The following SKAP2 variants were observed in gnomAD, a reference collection of about 807,000 sequenced individuals.
The protein encoded by SKAP2 is src kinase associated phosphoprotein 2, also known as src kinase-associated phosphoprotein 2.
Under a neutral mutation model 54.9 loss-of-function variants are expected in SKAP2, and 28 were observed. The observed-to-expected ratio is 0.51, with a 90% CI of 0.38 to 0.70. The LOEUF is 0.70. SKAP2 is among the 30% of genes least tolerant of loss of function. SKAP2 has a pLI of 0.00. For synonymous variants in SKAP2, 137 were observed against 134.3 expected, an observed-to-expected ratio of 1.02 and a Z score of -0.14; for missense variants, 356 against 424.1, an observed-to-expected ratio of 0.84 and a Z score of 1.41.
At chr7:26,845,749 T>C (rs1040362404) in intron 3 of SKAP2, among the ~76,000 whole-genome samples, 8 of 152,024 alleles carry the variant, frequency 5.3e-5, no homozygotes, top group African/African-American at 1.2e-4. Context: ...CTGGGCAACA[T>C]AGCAAGACCA....
At chr7:26,713,144 T>C (rs1787346109) in intron 9 of SKAP2, among the ~76,000 whole-genome samples, 1 of 152,198 alleles carries the variant, frequency 6.6e-6, no homozygotes, top group South Asian at 2.1e-4. Flanking sequence ...CCCAGGATTG[T>C]CCATGCTCAG....
intron 6 of SKAP2, among the ~76,000 whole-genome samples, chr7:26,737,334 T>C (rs974070640): frequency 6.6e-6 from 1 of 152,236 alleles, no homozygotes; most frequent in Non-Finnish European, 1.5e-5. Context: ...AAGATGCTTG[T>C]TTATAGCTGT....
chr7:26,674,601 G>T (rs760236258), intron 11 of SKAP2, among the ~76,000 whole-genome samples: 2 of 152,058 alleles, frequency 1.3e-5, no homozygotes, highest in African/African-American at 4.8e-5. Flanking sequence ...CAATCTCTAA[G>T]GACCTCCATG....
At chr7:26,833,904 A>G (rs1292630759) in intron 4 of SKAP2, among the ~76,000 whole-genome samples, 1 of 152,238 alleles carries the variant, frequency 6.6e-6, no homozygotes, top group Non-Finnish European at 1.5e-5. Flanking sequence ...CATTCTTCTC[A>G]GCACCACATT....
chr7:26,854,223 T>C, intron 2 of SKAP2, 61 bp from the exon 3 acceptor site: 4 of 1,065,586 alleles, frequency 3.8e-6, no homozygotes, highest in South Asian at 1.7e-5. Flanking sequence ...GTCTAATCAG[T>C]AACAATAATT....
intron 11 of SKAP2, among the ~76,000 whole-genome samples, chr7:26,676,274 G>C (rs564639630): frequency 6.6e-6 from 1 of 152,146 alleles, no homozygotes; most frequent in African/African-American, 2.4e-5. Flanking sequence ...CAGATATTCA[G>C]GGCAGAGTCT....
intron 4 of SKAP2, among the ~76,000 whole-genome samples, chr7:26,808,811 A>G (rs1784079656): frequency 6.6e-6 from 1 of 152,228 alleles, no homozygotes; most frequent in Admixed American, 6.5e-5. Flanking sequence ...AAAGTGAATT[A>G]AAGACTTAAG....
chr7:26,670,231 G>A (rs1187158505), intron 11 of SKAP2, 39 bp from the exon 12 acceptor site: 1 of 914,620 alleles, frequency 1.1e-6, no homozygotes, highest in African/African-American at 1.6e-5. Flanking sequence ...CTTTAGACTG[G>A]TGTAAGTACA....
intron 4 of SKAP2, among the ~76,000 whole-genome samples, chr7:26,758,941 C>T (rs938686452): frequency 2.6e-5 from 4 of 152,152 alleles, no homozygotes; most frequent in Non-Finnish European, 5.9e-5. Context: ...ATGAACTAGA[C>T]ATGTTCTTGT....
intron 4 of SKAP2, among the ~76,000 whole-genome samples, chr7:26,834,599 A>C (rs1784666804): frequency 6.6e-6 from 1 of 152,218 alleles, no homozygotes; most frequent in South Asian, 2.1e-4. Context: ...ATCTAAAAGA[A>C]ATGGATGAAT....
intron 9 of SKAP2, 52 bp downstream of exon 9, chr7:26,725,376 A>T: frequency 5.9e-6 from 8 of 1,355,730 alleles, no homozygotes; most frequent in South Asian, 1.3e-5. Flanking sequence ...ACACACTCAC[A>T]CACACACACA....
At chr7:26,767,226 T>C (rs1380006427) in intron 4 of SKAP2, among the ~76,000 whole-genome samples, 1 of 152,178 alleles carries the variant, frequency 6.6e-6, no homozygotes, top group Non-Finnish European at 1.5e-5. Flanking sequence ...AATTTGTCAA[T>C]TTCTTCTACA....
At chr7:26,770,541 A>G (rs1783167321) in intron 4 of SKAP2, among the ~76,000 whole-genome samples, 1 of 152,086 alleles carries the variant, frequency 6.6e-6, no homozygotes, top group Non-Finnish European at 1.5e-5. Context: ...GTCTGCGCAA[A>G]TGGCCACCCA....
At chr7:26,818,488 A>C in intron 4 of SKAP2, among the ~76,000 whole-genome samples, 1 of 152,166 alleles carries the variant, frequency 6.6e-6, no homozygotes, top group East Asian at 1.9e-4. Flanking sequence ...CCTAGAAGAA[A>C]ACCTAGGCAA....
At chr7:26,817,501 C>T (rs73067475) in intron 4 of SKAP2, among the ~76,000 whole-genome samples, 32,323 of 151,960 alleles carry the variant, frequency 0.21, 3,521 homozygotes, top group Non-Finnish European at 0.24. Context: ...AGAACAACAC[C>T]TATGTCTCAT....
chr7:26,850,030 T>C (rs1001137243), intron 3 of SKAP2, among the ~76,000 whole-genome samples: 2 of 152,168 alleles, frequency 1.3e-5, no homozygotes, highest in South Asian at 2.1e-4. Flanking sequence ...TAGCCCAAAT[T>C]TTTTTATCAT....
At chr7:26,688,181 A>G (rs528074785) in intron 10 of SKAP2, among the ~76,000 whole-genome samples, 1 of 152,286 alleles carries the variant, frequency 6.6e-6, no homozygotes, top group East Asian at 1.9e-4. Context: ...TGAGAATAAG[A>G]TAGTGGAGAA....
intron 9 of SKAP2, among the ~76,000 whole-genome samples, chr7:26,714,142 G>T (rs895662132): frequency 2.6e-5 from 4 of 152,082 alleles, no homozygotes; most frequent in African/African-American, 9.7e-5. Flanking sequence ...GAGACAACAG[G>T]AACAAAGGGA....
intron 10 of SKAP2, among the ~76,000 whole-genome samples, chr7:26,689,988 G>A (rs1786746072): frequency 6.6e-6 from 1 of 152,208 alleles, no homozygotes; most frequent in Non-Finnish European, 1.5e-5. Flanking sequence ...CCTCAATGAT[G>A]ATAAGCTAAT....
Sources: gnomAD v4.1 joint callset for allele counts (sites outside exome capture counted in the v4.1 genomes callset) on GRCh38, gnomAD v4.1.1 for gene constraint, MANE v1.5 for transcripts, NCBI Gene and HGNC (gene_info 2026-07-23, HGNC 2026-07-21) for gene names.